Variants in CEP68 observed in about 807,000 individuals in gnomAD.
The protein encoded by CEP68 is centrosomal protein of 68 kDa.
Under a neutral mutation model 55.3 loss-of-function variants are expected in CEP68, and 26 were observed. That is an observed-to-expected ratio of 0.47 (90% CI 0.34 to 0.65). The LOEUF (loss-of-function observed/expected upper bound fraction) is 0.65, where lower values mean the gene tolerates loss of function less well. CEP68 is among the 30% of genes least tolerant of loss of function. The probability of loss-of-function intolerance (pLI) is 0.01; values close to 1 mark genes in which losing one functional copy is unlikely to be tolerated. For missense variants in CEP68, 957 were observed against 946.7 expected, an observed-to-expected ratio of 1.01 and a Z score of -0.14; for synonymous variants, 402 against 383.2, an observed-to-expected ratio of 1.05 and a Z score of -0.57.
chr2:65,063,875 C>T (rs994230149), intron 1 of CEP68, among the ~76,000 whole-genome samples: 5 of 152,182 alleles, frequency 3.3e-5, no homozygotes, highest in African/African-American at 1.2e-4. Context: ...TTCTCCCTTT[C>T]GTTGCATTTT....
In CEP68 at chr2:65,074,320, G is replaced by C; in HGVS notation, c.1923G>C (p.Leu641=). Residue 641 remains leucine (L), a synonymous_variant, in exon 4 of 7, where the codon CTG becomes CTC. Transcript: ENST00000377990. ...CCQLEELICW[L]YNVADVTDHG... The stretch of plus-strand genomic sequence containing the variant: ...AGCTGGAAGAGCTGATCTGCTGGCT[G>C]TATAATGTTGCAGATGTTACTGACC... 6.2e-7 allele frequency: 1 copy of C among 1,614,208 alleles called. No homozygotes were observed. The highest frequency in any genetic ancestry group is 8.5e-7 in the Non-Finnish European group (1 of 1,180,026).
In CEP68 at chr2:65,074,389, T is replaced by C. The variant is rs1676660001; in HGVS notation, c.1992T>C (p.Ser664=). ...ARSNLTSLKS[S]LQLYRQFKKD... ...CCAATCTTACAAGTCTCAAGTCTTC[T>C]CTGCAGCTTTACCGGGTAATATGCG... is the stretch of plus-strand genomic sequence containing the variant. The change falls in exon 4 of 7, where the codon TCT becomes TCC. Residue 664 remains serine, a synonymous_variant. Coordinates refer to ENST00000377990, the MANE Select transcript of CEP68 (RefSeq NM_015147.3). The C allele has an allele frequency of 6.2e-7, 1 of 1,614,234 alleles. No individual in the cohort carries two copies. Among genetic ancestry groups the C allele is most frequent in the Non-Finnish European group, 8.5e-7 (1 of 1,180,024 alleles).
intron 1 of CEP68, 69 bp from the exon 2 acceptor site, chr2:65,069,330 A>T: frequency 1.2e-6 from 1 of 839,164 alleles, no homozygotes; most frequent in Non-Finnish European, 1.8e-6. Flanking sequence ...CTTAATTGTT[A>T]AAGAGCAAGA....
intron 1 of CEP68, among the ~76,000 whole-genome samples, chr2:65,060,503 G>T (rs1018079540): frequency 6.6e-5 from 10 of 152,094 alleles, no homozygotes; most frequent in South Asian, 4.1e-4. Context: ...GCCAAGGAGG[G>T]AGGATTGCTT....
Position 65,086,001 on chromosome 2 carries a change from C to CA in CEP68, c.*2370dup, listed in dbSNP as rs1326304966. ...AAATCCACAGGGAAGTGATGATACT[C>CA]AAAGCTGGATCAGCAGTTTCAAGAT... On this transcript the variant is annotated 3_prime_UTR_variant, in exon 7 of 7. Coordinates refer to ENST00000377990, the MANE Select transcript of CEP68 (RefSeq NM_015147.3). 6.6e-6 allele frequency: 1 copy of CA among 152,182 alleles called. No individual in the cohort carries two copies. The highest frequency in any genetic ancestry group is 6.5e-5 in the Admixed American group (1 of 15,270). The allele number at this position is 152,182 out of a possible 1,614,324, so 9.4% of individuals were successfully genotyped here.
rs2723089 is a variant in CEP68, at chr2:65,072,166, G to C, written c.1070G>C (p.Cys357Ser). 0.12 allele frequency: 187,059 copies of C among 1,613,720 alleles called. 11,508 individuals carry two copies. The highest frequency in any genetic ancestry group is 0.13 in the Non-Finnish European group (147,498 of 1,179,916). Residue 357 changes from cysteine to serine, a missense_variant, in exon 3 of 7, where the codon TGC becomes TCC. Coordinates refer to ENST00000377990, the MANE Select transcript of CEP68 (RefSeq NM_015147.3). Reference sequence around the variant, plus strand: ...TCACCTACTAATGTCTCCCCCAACTGCCCACCAGCAGAGGCCACTGCCCTG... The same window carrying C: ...TCACCTACTAATGTCTCCCCCAACTCCCCACCAGCAGAGGCCACTGCCCTG... ...LKSPTNVSPN[C>S]PPAEATALPF...
intron 5 of CEP68, among the ~76,000 whole-genome samples, chr2:65,081,921 T>A (rs1668841494): frequency 6.6e-6 from 1 of 152,228 alleles, no homozygotes; most frequent in South Asian, 2.1e-4. Context: ...GGTCTCCAAC[T>A]CCTGACCTCA....
At chr2:65,074,607 TTGAAGATACAATATATTTATCTCAAA>T (rs1218646929) in intron 4 of CEP68, 2 of 702,894 alleles carry the variant, frequency 2.8e-6, no homozygotes, top group Non-Finnish European at 4.8e-6. Context: ...CAAATGGAGC[TTGAAGATACAATATATTTATCTCAAA>T]TCAAAAATAC....
chr2:65,071,432 T>C, intron 2 of CEP68, 22 bp from the exon 3 acceptor site: 1 of 1,598,124 alleles, frequency 6.3e-7, no homozygotes, highest in Non-Finnish European at 8.6e-7. Context: ...CCAAGTGCTT[T>C]TTGTCCCTTT....
chr2:65,065,025 T>C (rs1026257092), intron 1 of CEP68, among the ~76,000 whole-genome samples: 1 of 152,226 alleles, frequency 6.6e-6, no homozygotes, highest in Non-Finnish European at 1.5e-5. Flanking sequence ...TATTCCCCAG[T>C]TGGCTCATAA....
intron 2 of CEP68, chr2:65,070,967 A>G (rs2103772286): frequency 6.2e-6 from 1 of 160,432 alleles, no homozygotes. Flanking sequence ...CAAGCAGATA[A>G]AAAATTCAGT....
rs373167471 is a variant in CEP68, at chr2:65,072,587, G to T, written c.1491G>T (p.Ser497=). Residue 497 remains serine (S), a synonymous_variant, in exon 3 of 7, where the codon TCG becomes TCT. Coordinates refer to ENST00000377990, the MANE Select transcript of CEP68 (RefSeq NM_015147.3). ...TGACACAGGTTTCTAGCCTGGTTTC[G>T]TATCTAGGATCCATTTCTACCTTGG... ...ARLTQVSSLV[S]YLGSISTLVT... is the part of the protein sequence containing the mutation. The T allele has an allele frequency of 6.8e-6, 11 of 1,613,964 alleles. No homozygotes were observed. Among genetic ancestry groups the T allele is most frequent in the Non-Finnish European group, 9.3e-6 (11 of 1,180,006 alleles).
Position 65,071,499 on chromosome 2 carries a change from C to G in CEP68, c.403C>G (p.Leu135Val). 6.2e-7 allele frequency: 1 copy of G among 1,613,070 alleles called. No homozygotes were observed. The highest frequency in any genetic ancestry group is 8.5e-7 in the Non-Finnish European group (1 of 1,179,436). ...TTCCTCCGAGGAGTTCCCTCAGACT[C>G]TGAGCCTTCCCAGAACAACAACTAT... ...LSSSEEFPQTLSLPRTTTICS... is the reference protein window; with the variant it reads ...LSSSEEFPQTVSLPRTTTICS... The change falls in exon 3 of 7, where the codon CTG becomes GTG. Residue 135 changes from leucine (L) to valine (V), a missense_variant. Coordinates refer to ENST00000377990, the MANE Select transcript of CEP68 (RefSeq NM_015147.3).
Position 65,071,778 on chromosome 2 carries a change from C to T in CEP68, c.682C>T (p.Leu228=), listed in dbSNP as rs1676475875. The T allele has an allele frequency of 3.1e-6, 5 of 1,612,168 alleles. No homozygotes were observed. The highest frequency in any genetic ancestry group is 3.4e-6 in the Non-Finnish European group (4 of 1,178,588). ...TTCTCTGGCCAAGGTCTCCTCCTCC[C>T]TGGAGCCGGTCGTCCCCCAGGAACC... ...GGSLAKVSSS[L]EPVVPQEPSS... Residue 228 remains leucine, a synonymous_variant, in exon 3 of 7, where the codon CTG becomes TTG. Transcript: ENST00000377990.
chr2:65,063,417 C>T (rs768063548), intron 1 of CEP68, among the ~76,000 whole-genome samples: 9 of 152,216 alleles, frequency 5.9e-5, no homozygotes, highest in Non-Finnish European at 1.2e-4. Flanking sequence ...GGGGCCTGTG[C>T]CCCATCATGG....
In CEP68 at chr2:65,084,949, A is replaced by C. The variant is rs556299043; in HGVS notation, c.*1315A>C. 56 of 152,336 alleles carry C rather than the reference A, an allele frequency of 3.7e-4. No individual in the cohort carries two copies. Among genetic ancestry groups the C allele is most frequent in the African/African-American group, 1.3e-3 (56 of 41,582 alleles). 9.4% of individuals were successfully genotyped at this position (152,336 alleles called of 1,614,324 possible). On this transcript the variant is annotated 3_prime_UTR_variant, in exon 7 of 7. Transcript: ENST00000377990. ...ACACACTGAGACTTTAAAAGGGAAAAACCACTCTAGCAAATAATTGTCAAT... is the reference window on the plus strand; with the variant it reads ...ACACACTGAGACTTTAAAAGGGAAACACCACTCTAGCAAATAATTGTCAAT...
At chr2:65,069,876 T>TTGCA (rs1194099003) in intron 2 of CEP68, 75 bp downstream of exon 2, 4 of 1,263,206 alleles carry the variant, frequency 3.2e-6, no homozygotes, top group Non-Finnish European at 4.6e-6. Flanking sequence ...CCTCACCATC[T>TTGCA]TGCATCCTTT....
intron 1 of CEP68, among the ~76,000 whole-genome samples, chr2:65,057,660 G>A (rs946876133): frequency 2.0e-5 from 3 of 152,140 alleles, no homozygotes; most frequent in African/African-American, 7.2e-5. Flanking sequence ...ATGATGGAAG[G>A]AAGCCAAAAG....
chr2:65,060,451 C>T (rs1675858731), intron 1 of CEP68, among the ~76,000 whole-genome samples: 2 of 150,262 alleles, frequency 1.3e-5, no homozygotes, highest in African/African-American at 2.4e-5. Context: ...GTGTCAGGGC[C>T]GGGCACAGTG....
Sources: gnomAD v4.1 joint callset for allele counts (sites outside exome capture counted in the v4.1 genomes callset) on GRCh38, gnomAD v4.1.1 for gene constraint, MANE v1.5 for transcripts, NCBI Gene and HGNC (gene_info 2026-07-23, HGNC 2026-07-21) for gene names.